Variants in RGS1 observed in about 807,000 individuals in gnomAD.
RGS1 encodes the protein B-cell activation protein BL34.
In RGS1, 11 loss-of-function variants were observed where a neutral mutation model predicts 22.2. The ratio of observed to expected loss-of-function variants is 0.50; its 90% CI spans 0.31 to 0.82. RGS1 has a LOEUF of 0.82. Ranked by LOEUF, RGS1 falls within the 40% of genes least tolerant of loss-of-function variation. RGS1 has a pLI of 0.04. For synonymous variants in RGS1, 81 were observed against 79.9 expected (o/e 1.01, Z -0.07); for missense variants, 255 against 245.8 (o/e 1.04, Z -0.25).
chr1:192,577,110 T>G, intron 3 of RGS1: 1 of 333,794 alleles, frequency 3.0e-6, no homozygotes, highest in Non-Finnish European at 5.4e-6. Flanking sequence ...GATTCTGATA[T>G]GTAAAAATTT....
intron 3 of RGS1, chr1:192,577,898 ATAAAAGATGGTT>A (rs1271249094): frequency 1.9e-5 from 5 of 263,570 alleles, no homozygotes; most frequent in Non-Finnish European, 2.9e-5. Context: ...TTTGGCATAT[ATAAAAGATGGTT>A]TTATATTCAG....
Position 192,579,503 on chromosome 1 carries a change from A to G in RGS1, c.*181A>G, listed in dbSNP as rs1662129626. The G allele has an allele frequency of 5.3e-6, 3 of 563,932 alleles. No homozygotes were observed. The African/African-American group carries it at 5.8e-5, about 11-fold the overall frequency. 34.9% of individuals were successfully genotyped at this position (563,932 alleles called of 1,614,324 possible). ...GCGCAGAGTTGAAGAAGCATAAGCA[A>G]GACAAAAACAGAGAGACCGCAGAAG... On this transcript the variant is annotated 3_prime_UTR_variant, in exon 5 of 5. Transcript: ENST00000367459.
rs763518306 is a variant in RGS1, at chr1:192,579,146, G to A, written c.454G>A (p.Asp152Asn). 6.2e-7 allele frequency: 1 copy of A among 1,610,920 alleles called. No individual in the cohort carries two copies. Among genetic ancestry groups the A allele is most frequent in the Non-Finnish European group, 8.5e-7 (1 of 1,178,832 alleles). Reference sequence around the variant, plus strand: ...AGGTTTTCTTTTTTAGATCAATATTGACTTCCGCACTCGAGAATCTACAGC... The same window carrying A: ...AGGTTTTCTTTTTTAGATCAATATTAACTTCCGCACTCGAGAATCTACAGC... Reference protein sequence around the residue: ...HSDAAKQINIDFRTRESTAKK... With the variant: ...HSDAAKQININFRTRESTAKK... Residue 152 changes from aspartate (D) to asparagine (N), a missense_variant, in exon 5 of 5, where the codon GAC becomes AAC. Physicochemically the swap from Asp to Asn is conservative, Grantham distance 23. Coordinates refer to ENST00000367459, the MANE Select transcript of RGS1 (RefSeq NM_002922.4).
chr1:192,576,976 A>G (rs893636734), intron 3 of RGS1, 141 bp downstream of exon 3: 6 of 600,282 alleles, frequency 1.0e-5, no homozygotes, highest in South Asian at 6.0e-5. Flanking sequence ...TAACTTCAGC[A>G]TAGTATGCCT....
Position 192,575,775 on chromosome 1 carries a change from A to G in RGS1, c.-18A>G. 6.2e-7 allele frequency: 1 copy of G among 1,612,812 alleles called. No homozygotes were observed. The highest frequency in any genetic ancestry group is 8.5e-7 in the Non-Finnish European group (1 of 1,179,132). On this transcript the variant is annotated 5_prime_UTR_variant, in exon 1 of 5. Coordinates refer to ENST00000367459, the MANE Select transcript of RGS1 (RefSeq NM_002922.4). ...AAGCAGCAGAGACGTTGACTAGCGC[A>G]TATTTGCTAAGAGCACCATGCGCGC...
At position 192,579,018 on chromosome 1, in the gene RGS1, T is replaced by C. The variant is rs564183321; in HGVS notation, c.445-119T>C. ...ATTTTACAAAGGCATTTAAGAGATATTTGAATTGATTTAAATGAGGCCTTA... is the reference window on the plus strand; with the variant it reads ...ATTTTACAAAGGCATTTAAGAGATACTTGAATTGATTTAAATGAGGCCTTA... On this transcript the variant is annotated intron_variant, in intron 4 of 4. Transcript: ENST00000367459. 88 of 904,412 alleles carry C rather than the reference T, an allele frequency of 9.7e-5. No homozygotes were observed. The East Asian group carries it at 2.0e-3, about 20-fold the overall frequency. 56.0% of individuals were successfully genotyped at this position (904,412 alleles called of 1,614,324 possible).
chr1:192,576,489 C>T, intron 2 of RGS1, 124 bp downstream of exon 2: 2 of 701,552 alleles, frequency 2.9e-6, no homozygotes, highest in Admixed American at 5.9e-5. Context: ...AGTAACATGC[C>T]AAATAAAATT....
At chr1:192,578,848 C>T (rs2102320391) in intron 4 of RGS1, 1 of 402,066 alleles carries the variant, frequency 2.5e-6, no homozygotes, top group Middle Eastern at 6.5e-4. Context: ...CTACATCACT[C>T]TTTATGATAC....
rs770318014 is a variant in RGS1, at chr1:192,579,192, C to A, written c.500C>A (p.Thr167Asn). Residue 167 changes from threonine to asparagine, a missense_variant, in exon 5 of 5, where the codon ACC (threonine) becomes AAC (asparagine). By Grantham distance (65) the Thr-to-Asn change is moderately conservative. Transcript: ENST00000367459. ...ACAGCCAAGAAGATTAAAGCACCAA[C>A]CCCCACGTGTTTTGATGAAGCACAA... is the stretch of plus-strand genomic sequence containing the variant. ...ESTAKKIKAPTPTCFDEAQKV... is the reference protein window; with the variant it reads ...ESTAKKIKAPNPTCFDEAQKV... The A allele has an allele frequency of 1.2e-6, 2 of 1,613,270 alleles. No homozygotes were observed. Among genetic ancestry groups the A allele is most frequent in the East Asian group, 4.5e-5 (2 of 44,856 alleles).
At chr1:192,578,473 C>A (rs759953772) in intron 4 of RGS1, 88 bp downstream of exon 4, 2 of 1,452,852 alleles carry the variant, frequency 1.4e-6, no homozygotes, top group Middle Eastern at 2.0e-4. Context: ...AGATAAAATC[C>A]TTTTGGGGTA....
intron 1 of RGS1, 24 bp from the exon 2 acceptor site, chr1:192,576,261 T>C: frequency 6.8e-7 from 1 of 1,474,180 alleles, no homozygotes; most frequent in South Asian, 1.2e-5. Flanking sequence ...GAAATATGAA[T>C]ATTCACTTTT....
chr1:192,575,846 C>A lies in RGS1; in HGVS notation c.54C>A (p.Phe18Leu), dbSNP rs1334107111. The A allele has an allele frequency of 1.1e-5, 18 of 1,613,430 alleles. No individual in the cohort carries two copies. The highest frequency in any genetic ancestry group is 1.7e-5 in the Admixed American group (1 of 59,952). The change falls in exon 1 of 5, where the codon TTC becomes TTA. Residue 18 changes from phenylalanine to leucine, a missense_variant. Coordinates refer to ENST00000367459, the MANE Select transcript of RGS1 (RefSeq NM_002922.4). ...TPKLDKMPGM[F>L]FSANPKELKG... ...AGTTAGACAAAATGCCAGGAATGTT[C>A]TTCTCTGCTAACCCAAAGGAATTGA... is the stretch of plus-strand genomic sequence containing the variant.
chr1:192,576,805 C>G lies in RGS1; in HGVS notation c.250C>G (p.Gln84Glu). 6.2e-7 allele frequency: 1 copy of G among 1,612,062 alleles called. No individual in the cohort carries two copies. Among genetic ancestry groups the G allele is most frequent in the Non-Finnish European group, 8.5e-7 (1 of 1,178,918 alleles). ...TGCTGCTGAAGTAATGCAATGGTCT[C>G]AATCTCTGGAAAAACTTCTTGCCAA... ...LSAAEVMQWS[Q>E]SLEKLLANQT... is the part of the protein sequence containing the mutation. Residue 84 changes from glutamine (Q) to glutamate (E), a missense_variant, in exon 3 of 5, where the codon CAA becomes GAA. Coordinates refer to ENST00000367459, the MANE Select transcript of RGS1 (RefSeq NM_002922.4).
rs1435065900 is a variant in RGS1, at chr1:192,579,980, GC to G, written c.*659del. On this transcript the variant is annotated 3_prime_UTR_variant, in exon 5 of 5. Transcript: ENST00000367459. ...ATGTCCTTGCTACTTTTAAAAACTT[GC>G]ATTTATTCCTCAGATTTTAAAAATA... The G allele has an allele frequency of 6.6e-6, 1 of 151,846 alleles. No individual in the cohort carries two copies. Among genetic ancestry groups the G allele is most frequent in the Non-Finnish European group, 1.5e-5 (1 of 67,954 alleles). 9.4% of individuals were successfully genotyped at this position (151,846 alleles called of 1,614,324 possible).
intron 3 of RGS1, 130 bp downstream of exon 3, chr1:192,576,965 A>G: frequency 1.4e-6 from 1 of 724,768 alleles, no homozygotes; most frequent in South Asian, 2.2e-5. Context: ...GTAGTTACTG[A>G]TAACTTCAGC....
chr1:192,579,202 T>C lies in RGS1; in HGVS notation c.510T>C (p.Cys170=), dbSNP rs1202955653. ...AKKIKAPTPT[C]FDEAQKVIYT... ...AGATTAAAGCACCAACCCCCACGTGTTTTGATGAAGCACAAAAAGTCATAT... is the reference window on the plus strand; with the variant it reads ...AGATTAAAGCACCAACCCCCACGTGCTTTGATGAAGCACAAAAAGTCATAT... Residue 170 remains cysteine, a synonymous_variant, in exon 5 of 5, where the codon TGT becomes TGC. Transcript: ENST00000367459. 1 of 1,613,148 alleles carries C rather than the reference T, an allele frequency of 6.2e-7. No individual in the cohort carries two copies. The highest frequency in any genetic ancestry group is 8.5e-7 in the Non-Finnish European group (1 of 1,179,498).
chr1:192,578,811 CCTT>C (rs768621270), intron 4 of RGS1: 22 of 352,872 alleles, frequency 6.2e-5, no homozygotes, highest in Admixed American at 1.3e-4. Flanking sequence ...ACAAAAAGAG[CCTT>C]CTTCTCCTGT....
intron 2 of RGS1, 71 bp downstream of exon 2, chr1:192,576,436 A>T: frequency 5.4e-6 from 6 of 1,108,132 alleles, no homozygotes; most frequent in Non-Finnish European, 8.2e-6. Context: ...TCTATATCCC[A>T]GCAAGGGATA....
chr1:192,576,982 T>C (rs1293210734), intron 3 of RGS1, 147 bp downstream of exon 3: 11 of 557,692 alleles, frequency 2.0e-5, no homozygotes, highest in South Asian at 3.6e-5. Context: ...CAGCATAGTA[T>C]GCCTCTTAAT....
Sources: allele counts gnomAD v4.1 joint callset, GRCh38; gene constraint gnomAD v4.1.1; transcripts MANE v1.5; gene names NCBI Gene and HGNC (gene_info 2026-07-23, HGNC 2026-07-21).